ATP8A2: variants seen among roughly 807,000 people sequenced by gnomAD.
ATP8A2 encodes phospholipid-transporting ATPase IB.
ATP8A2 carries 100 observed loss-of-function variants against 165.6 expected under a neutral mutation model. That is an observed-to-expected ratio of 0.60 (90% CI 0.51 to 0.71). The LOEUF is 0.71. Ranked by LOEUF, ATP8A2 falls within the 30% of genes least tolerant of loss-of-function variation. ATP8A2 has a pLI of 0.00. For missense variants in ATP8A2, 1,227 were observed against 1,479.5 expected (o/e 0.83, Z 2.80); for synonymous variants, 543 against 548.8 (o/e 0.99, Z 0.15).
At position 25,757,717 on chromosome 13, in the gene ATP8A2, C is replaced by T. The variant is rs566304227; in HGVS notation, c.2385-11329C>T. 5.5e-4 allele frequency among the ~76,000 whole-genome samples: 83 copies of T among 152,274 alleles called. 1 individual carries two copies. Among genetic ancestry groups the T allele is most frequent in the South Asian group, 5.4e-3 (26 of 4,826 alleles). ...AGCATGAGAAGTAAAATCCTTTTCT[C>T]AGTCAGCTGAGAGCCCCTGTTATAT... is the stretch of plus-strand genomic sequence containing the variant. On this transcript the variant is annotated intron_variant, in intron 25 of 36. Coordinates refer to ENST00000381655, the MANE Select transcript of ATP8A2 (RefSeq NM_016529.6).
In ATP8A2 at chr13:25,682,416, G is replaced by A. The variant is rs1479394738; in HGVS notation, c.2212-16757G>A. 3.3e-5 allele frequency among the ~76,000 whole-genome samples: 5 copies of A among 152,118 alleles called. No individual in the cohort carries two copies. In the South Asian group the frequency reaches 6.2e-4, roughly 19 times the overall value. ...GCTGGAGCAGCCTGGCATGCTCCCC[G>A]GCAGCTGTTTTTCTTAGTTGGTGCA... On this transcript the variant is annotated intron_variant, in intron 24 of 36. Transcript: ENST00000381655.
intron 25 of ATP8A2, among the ~76,000 whole-genome samples, chr13:25,764,401 T>C (rs1013590078): frequency 6.6e-6 from 1 of 152,242 alleles, no homozygotes; most frequent in Non-Finnish European, 1.5e-5. Flanking sequence ...TTTCTTGTAA[T>C]TGTTAACTGT....
rs753603855 is a variant in ATP8A2 at position 25,534,211 on chromosome 13, C to G, written c.507+898C>G. On this transcript the variant is annotated intron_variant, in intron 6 of 36. Coordinates refer to ENST00000381655, the MANE Select transcript of ATP8A2 (RefSeq NM_016529.6). ...TTCGCCACCCTTTAAAGAAATTTCTCCTTTATAGTGTTTTACAGTAACACC... is the reference window on the plus strand; with the variant it reads ...TTCGCCACCCTTTAAAGAAATTTCTGCTTTATAGTGTTTTACAGTAACACC... The G allele has an allele frequency of 3.8e-5, 20 of 532,682 alleles. No individual in the cohort carries two copies. In the African/African-American group the frequency reaches 3.9e-4, roughly 10 times the overall value. The allele number at this position is 532,682 out of a possible 1,614,324, so 33.0% of individuals were successfully genotyped here. A position where few individuals can be genotyped will look rare whatever the true frequency, so the allele number is the denominator to read the frequency against.
intron 33 of ATP8A2, among the ~76,000 whole-genome samples, chr13:25,927,899 A>C (rs959801483): frequency 3.3e-5 from 5 of 152,248 alleles, no homozygotes; most frequent in Admixed American, 6.5e-5. Context: ...CTTTTGCTTC[A>C]AACATTTTAC....
intron 1 of ATP8A2, among the ~76,000 whole-genome samples, chr13:25,460,474 T>C (rs1031195704): frequency 6.6e-6 from 1 of 152,230 alleles, no homozygotes; most frequent in Non-Finnish European, 1.5e-5. Flanking sequence ...CCAACCCATA[T>C]GAAAAATTAC....
intron 24 of ATP8A2, among the ~76,000 whole-genome samples, chr13:25,622,548 G>T (rs999914772): frequency 6.6e-6 from 1 of 152,180 alleles, no homozygotes; most frequent in Non-Finnish European, 1.5e-5. Flanking sequence ...TATACAGGGT[G>T]AGCATCCCCA....
intron 2 of ATP8A2, among the ~76,000 whole-genome samples, chr13:25,507,380 T>C (rs868620613): frequency 1.1e-4 from 16 of 151,910 alleles, no homozygotes; most frequent in Admixed American, 6.6e-4. Flanking sequence ...ATTCTCCTGC[T>C]CCAGCCTCCT....
rs554752036 is a variant in ATP8A2, at chr13:25,958,138, G to T, written c.3184-3437G>T. On this transcript the variant is annotated intron_variant, in intron 33 of 36. Transcript: ENST00000381655. ...CACACACCAGGACCTGTTGTGGGGT[G>T]GGGGACTAGGGGAAGGATAGCATTA... Among the ~76,000 whole-genome samples the T allele has an allele frequency of 1.3e-4, 20 of 151,916 alleles. No individual in the cohort carries two copies. In the East Asian group the frequency reaches 3.5e-3, roughly 27 times the overall value.
intron 25 of ATP8A2, among the ~76,000 whole-genome samples, chr13:25,746,720 C>T (rs1254057227): frequency 6.6e-6 from 1 of 152,190 alleles, no homozygotes; most frequent in Non-Finnish European, 1.5e-5. Flanking sequence ...TGCCTCGTCT[C>T]AAGAGCTAAA....
chr13:25,543,542 G>A, intron 10 of ATP8A2, 140 bp downstream of exon 10: 1 of 540,342 alleles, frequency 1.9e-6, no homozygotes, highest in Non-Finnish European at 3.3e-6. Flanking sequence ...CTTTATTTTA[G>A]TTTCTTAGGT....
intron 2 of ATP8A2, among the ~76,000 whole-genome samples, chr13:25,518,615 C>T (rs1196401300): frequency 6.6e-6 from 1 of 152,120 alleles, no homozygotes; most frequent in Non-Finnish European, 1.5e-5. Context: ...TCTTTTAAAT[C>T]GGTCTCTGGA....
chr13:25,537,643 G>A (rs534532194), intron 6 of ATP8A2, among the ~76,000 whole-genome samples: 18 of 152,282 alleles, frequency 1.2e-4, no homozygotes, highest in South Asian at 4.1e-4. Flanking sequence ...GTGCGTGACC[G>A]TTCTACCCTA....
Position 25,679,154 on chromosome 13 carries a change from GT to G in ATP8A2, c.2212-20016del, listed in dbSNP as rs1436871616. Among the ~76,000 whole-genome samples the G allele has an allele frequency of 2.0e-5, 3 of 152,310 alleles. No individual in the cohort carries two copies. In the East Asian group the frequency reaches 5.8e-4, roughly 29 times the overall value. ...CTAGTAAAAGATAGTAGGATTCTGG[GT>G]TTGAATGGTTGAGAGAATGGTGGCA... is the stretch of plus-strand genomic sequence containing the variant. On this transcript the variant is annotated intron_variant, in intron 24 of 36. Coordinates refer to ENST00000381655, the MANE Select transcript of ATP8A2 (RefSeq NM_016529.6).
chr13:25,389,667 C>G (rs1378966784), intron 1 of ATP8A2, among the ~76,000 whole-genome samples: 1 of 152,192 alleles, frequency 6.6e-6, no homozygotes, highest in Non-Finnish European at 1.5e-5. Flanking sequence ...TTACTCAAAT[C>G]AACAAATATT....
rs149661815 is a variant in ATP8A2 at position 25,782,516 on chromosome 13, G to C, written c.2679+7557G>C. ...ACAGGTTGGGGAAGAGGTGAGTACAGTCATCCCTTAGTATCCACAGGGTAC... is the reference window on the plus strand; with the variant it reads ...ACAGGTTGGGGAAGAGGTGAGTACACTCATCCCTTAGTATCCACAGGGTAC... On this transcript the variant is annotated intron_variant, in intron 27 of 36. Coordinates refer to ENST00000381655, the MANE Select transcript of ATP8A2 (RefSeq NM_016529.6). 4.6e-3 allele frequency among the ~76,000 whole-genome samples: 702 copies of C among 152,254 alleles called. 7 individuals carry two copies. The highest frequency in any genetic ancestry group is 0.017 in the Middle Eastern group (5 of 294).
At chr13:25,721,643 A>G (rs985293150) in intron 25 of ATP8A2, among the ~76,000 whole-genome samples, 4 of 152,108 alleles carry the variant, frequency 2.6e-5, no homozygotes, top group Admixed American at 6.5e-5. Context: ...CCTACTTCCC[A>G]TTTCTATAGA....
intron 24 of ATP8A2, among the ~76,000 whole-genome samples, chr13:25,642,189 G>A (rs2137573133): frequency 6.6e-6 from 1 of 152,270 alleles, no homozygotes; most frequent in Non-Finnish European, 1.5e-5. Flanking sequence ...ACATAGGCAT[G>A]GGCAAGGACT....
Position 25,891,594 on chromosome 13 carries a change from G to A in ATP8A2, c.3183+29186G>A, listed in dbSNP as rs112285374. On this transcript the variant is annotated intron_variant, in intron 33 of 36. Transcript: ENST00000381655. ...CTACCTTGGCCTCCCAAAGTGCTGCGATTACAGGTGCGAGCCACTGTGCCC... is the reference window on the plus strand; with the variant it reads ...CTACCTTGGCCTCCCAAAGTGCTGCAATTACAGGTGCGAGCCACTGTGCCC... Among the ~76,000 whole-genome samples, 13 of 152,210 alleles carry A rather than the reference G, an allele frequency of 8.5e-5. No homozygotes were observed. The South Asian group carries it at 2.7e-3, about 32-fold the overall frequency.
intron 26 of ATP8A2, 123 bp from the exon 27 acceptor site, chr13:25,774,726 A>AT (rs1316840350): frequency 1.7e-6 from 1 of 576,806 alleles, no homozygotes; most frequent in Admixed American, 3.4e-5. Flanking sequence ...GTTTTCTGAG[A>AT]TTCCTGCGGA....
Sources: gnomAD v4.1 joint callset for allele counts (sites outside exome capture counted in the v4.1 genomes callset) on GRCh38, gnomAD v4.1.1 for gene constraint, MANE v1.5 for transcripts, NCBI Gene and HGNC (gene_info 2026-07-23, HGNC 2026-07-21) for gene names.